RNF187: variants seen among roughly 807,000 people sequenced by gnomAD.
RNF187 encodes E3 ubiquitin-protein ligase RNF187.
A neutral mutation model predicts 22.2 loss-of-function variants in RNF187; 18 were observed. The observed-to-expected ratio is 0.81, with a 90% CI of 0.56 to 1.20. RNF187 has a LOEUF of 1.20. RNF187 is among the 50% of genes most tolerant of loss of function. The pLI is 0.00. For synonymous variants in RNF187, 164 were observed against 140.9 expected (o/e 1.16, Z -1.16); for missense variants, 329 against 317.6 (o/e 1.04, Z -0.27).
chr1:228,494,449 A>G lies in RNF187; in HGVS notation c.*564A>G. 2.0e-6 allele frequency: 2 copies of G among 991,002 alleles called. No homozygotes were observed. Among genetic ancestry groups the G allele is most frequent in the Non-Finnish European group, 2.4e-6 (2 of 833,090 alleles). 61.4% of individuals were successfully genotyped at this position (991,002 alleles called of 1,614,324 possible). ...CTTGAGGTGGGCGTGGGCCCGGCCC[A>G]GCCTTATCCAAGTCGCTCTGTCCAC... On this transcript the variant is annotated 3_prime_UTR_variant, in exon 4 of 4. Transcript: ENST00000305943.
chr1:228,495,480 C>T lies in RNF187; in HGVS notation c.*1595C>T. ...GCCAAGTAGAGAATCTTTGTCAGCA[C>T]GCCAACAACATCCCGACCCTGAGAC... On this transcript the variant is annotated 3_prime_UTR_variant, in exon 4 of 4. Coordinates refer to ENST00000305943, the MANE Select transcript of RNF187 (RefSeq NM_001010858.3). 9.3e-4 allele frequency: 913 copies of T among 985,408 alleles called. No individual in the cohort carries two copies. The highest frequency in any genetic ancestry group is 1.0e-3 in the Non-Finnish European group (864 of 829,926). 61.0% of individuals were successfully genotyped at this position (985,408 alleles called of 1,614,324 possible).
Position 228,494,617 on chromosome 1 carries a change from A to G in RNF187, c.*732A>G. ...GTGGCTAACCCCATTTAGCATCTCC[A>G]GGCCCTGCCATCGTGTCTCATCTTG... On this transcript the variant is annotated 3_prime_UTR_variant, in exon 4 of 4. Coordinates refer to ENST00000305943, the MANE Select transcript of RNF187 (RefSeq NM_001010858.3). The G allele has an allele frequency of 4.1e-6, 4 of 985,664 alleles. No homozygotes were observed. Among genetic ancestry groups the G allele is most frequent in the Non-Finnish European group, 4.8e-6 (4 of 830,176 alleles). 61.1% of individuals were successfully genotyped at this position (985,664 alleles called of 1,614,324 possible).
chr1:228,494,637 A>G lies in RNF187; in HGVS notation c.*752A>G. The G allele has an allele frequency of 3.0e-6, 3 of 985,344 alleles. No individual in the cohort carries two copies. The South Asian group carries it at 1.4e-4, about 46-fold the overall frequency. The allele number at this position is 985,344 out of a possible 1,614,324, so 61.0% of individuals were successfully genotyped here. A position where few individuals can be genotyped will look rare whatever the true frequency, so the allele number is the denominator to read the frequency against. On this transcript the variant is annotated 3_prime_UTR_variant, in exon 4 of 4. Coordinates refer to ENST00000305943, the MANE Select transcript of RNF187 (RefSeq NM_001010858.3). ...TCTCCAGGCCCTGCCATCGTGTCTC[A>G]TCTTGCTGTTATCTCTAGCTCTTTC... is the stretch of plus-strand genomic sequence containing the variant.
chr1:228,494,773 G>C lies in RNF187; in HGVS notation c.*888G>C. The C allele has an allele frequency of 4.1e-6, 4 of 985,442 alleles. No homozygotes were observed. Among genetic ancestry groups the C allele is most frequent in the East Asian group, 2.3e-4 (2 of 8,798 alleles). 61.0% of individuals were successfully genotyped at this position (985,442 alleles called of 1,614,324 possible). On this transcript the variant is annotated 3_prime_UTR_variant, in exon 4 of 4. Transcript: ENST00000305943. The stretch of plus-strand genomic sequence containing the variant: ...ATTAGTCGACAGAAACTCAGCACTG[G>C]GGACAGGATTGCAAAGTCGGGGACA...
chr1:228,489,395 G>A, intron 2 of RNF187, among the ~76,000 whole-genome samples: 2 of 151,880 alleles, frequency 1.3e-5, no homozygotes, highest in South Asian at 2.1e-4. Context: ...ACTGCAGCTC[G>A]AACTGGCCTC....
At chr1:228,492,105 C>G in intron 2 of RNF187, among the ~76,000 whole-genome samples, 23 of 152,104 alleles carry the variant, frequency 1.5e-4, no homozygotes, top group Non-Finnish European at 3.2e-4. Context: ...GGCTGGAGTG[C>G]AGTGGTATGG....
Position 228,494,411 on chromosome 1 carries a change from A to C in RNF187, c.*526A>C. The stretch of plus-strand genomic sequence containing the variant: ...GATTGCACCTTGATGCCTCCTGAGG[A>C]GGCGGCCCCCCTCTTGAGGTGGGCG... On this transcript the variant is annotated 3_prime_UTR_variant, in exon 4 of 4. Coordinates refer to ENST00000305943, the MANE Select transcript of RNF187 (RefSeq NM_001010858.3). 1 of 999,832 alleles carries C rather than the reference A, an allele frequency of 1.0e-6. No homozygotes were observed. The highest frequency in any genetic ancestry group is 1.7e-5 in the African/African-American group (1 of 58,048). 61.9% of individuals were successfully genotyped at this position (999,832 alleles called of 1,614,324 possible).
Position 228,494,416 on chromosome 1 carries a change from GC to G in RNF187, c.*537del. ...CACCTTGATGCCTCCTGAGGAGGCG[GC>G]CCCCCTCTTGAGGTGGGCGTGGGCC... On this transcript the variant is annotated 3_prime_UTR_variant, in exon 4 of 4. Transcript: ENST00000305943. 1.0e-6 allele frequency: 1 copy of G among 996,292 alleles called. No individual in the cohort carries two copies. The highest frequency in any genetic ancestry group is 1.2e-6 in the Non-Finnish European group (1 of 835,984). 61.7% of individuals were successfully genotyped at this position (996,292 alleles called of 1,614,324 possible). A position where few individuals can be genotyped will look rare whatever the true frequency, so the allele number is the denominator to read the frequency against.
At position 228,491,406 on chromosome 1, in the gene RNF187, A is replaced by AAT; in HGVS notation, c.484-1646_484-1645insTA. Among the ~76,000 whole-genome samples, 42 of 149,340 alleles carry AAT rather than the reference A, an allele frequency of 2.8e-4. No homozygotes were observed. The East Asian group carries it at 4.3e-3, about 15-fold the overall frequency. The stretch of plus-strand genomic sequence containing the variant: ...CTATCTCAAAAAAAAAAAAAAAAAA[A>AAT]AAATAAAGGGAGATGGGTTAATGGG... On this transcript the variant is annotated intron_variant, in intron 2 of 3. Transcript: ENST00000305943.
chr1:228,494,767 G>C lies in RNF187; in HGVS notation c.*882G>C. The stretch of plus-strand genomic sequence containing the variant: ...AGATAAATTAGTCGACAGAAACTCA[G>C]CACTGGGGACAGGATTGCAAAGTCG... On this transcript the variant is annotated 3_prime_UTR_variant, in exon 4 of 4. Coordinates refer to ENST00000305943, the MANE Select transcript of RNF187 (RefSeq NM_001010858.3). 1.0e-6 allele frequency: 1 copy of C among 985,304 alleles called. No homozygotes were observed. The highest frequency in any genetic ancestry group is 1.1e-4 in the East Asian group (1 of 8,802). The allele number at this position is 985,304 out of a possible 1,614,324, so 61.0% of individuals were successfully genotyped here. A position where few individuals can be genotyped will look rare whatever the true frequency, so the allele number is the denominator to read the frequency against.
Position 228,489,064 on chromosome 1 carries a change from G to A in RNF187, c.483+12G>A. 17 of 1,542,620 alleles carry A rather than the reference G, an allele frequency of 1.1e-5. No homozygotes were observed. In the Admixed American group the frequency reaches 2.9e-4, roughly 27 times the overall value. ...CTGCAGTGTGGAAGGCAAGTGGGGG[G>A]ACCTGGGGCAGCCTGGAATGAGGGG... On this transcript the variant is annotated intron_variant, in intron 2 of 3. Coordinates refer to ENST00000305943, the MANE Select transcript of RNF187 (RefSeq NM_001010858.3).
At chr1:228,492,466 C>T in intron 2 of RNF187, among the ~76,000 whole-genome samples, 3 of 147,526 alleles carry the variant, frequency 2.0e-5, no homozygotes, top group African/African-American at 4.9e-5. Context: ...GGACTACAGG[C>T]GTGCGCCACC....
chr1:228,493,125 G>T lies in RNF187; in HGVS notation c.556G>T (p.Glu186Ter), dbSNP rs1659008913. 1 of 1,551,740 alleles carries T rather than the reference G, an allele frequency of 6.4e-7. No individual in the cohort carries two copies. The highest frequency in any genetic ancestry group is 8.7e-7 in the Non-Finnish European group (1 of 1,146,974). The change falls in exon 3 of 4, where the codon GAG becomes TAG. Residue 186 changes from glutamate to a stop codon, truncating the protein, a stop_gained. Transcript: ENST00000305943. LOFTEE classifies it high-confidence loss of function. This position sits in a 1 kb window ranked among gnomAD's most constrained non-coding sequence, Gnocchi z 4.7. ...GCTGCGGGCCTTCTTTGTGGAGGAG[G>T]AGGAGCATTTCCTGCAGGAGGCTGA...
Position 228,495,072 on chromosome 1 carries a change from G to A in RNF187, c.*1187G>A. The stretch of plus-strand genomic sequence containing the variant: ...TCCTCGTGACACGTGCTAAAGCATG[G>A]TGAGGAGGACTTTGATTGGGACCAT... On this transcript the variant is annotated 3_prime_UTR_variant, in exon 4 of 4. Coordinates refer to ENST00000305943, the MANE Select transcript of RNF187 (RefSeq NM_001010858.3). 6.1e-5 allele frequency: 60 copies of A among 976,652 alleles called. 4 individuals are homozygous for A. The East Asian group carries it at 1.4e-3, about 22-fold the overall frequency. 60.5% of individuals were successfully genotyped at this position (976,652 alleles called of 1,614,324 possible).
chr1:228,492,874 T>G, intron 2 of RNF187, among the ~76,000 whole-genome samples, 179 bp from the exon 3 acceptor site: 1 of 151,620 alleles, frequency 6.6e-6, no homozygotes, highest in South Asian at 2.1e-4. Context: ...CCGCCCGCCT[T>G]GGCCTCCTGG....
chr1:228,491,460 A>G, intron 2 of RNF187, among the ~76,000 whole-genome samples: 1 of 141,014 alleles, frequency 7.1e-6, no homozygotes, highest in Non-Finnish European at 1.5e-5. Flanking sequence ...TTTTTTTTTG[A>G]GATGGAGTCT....
At position 228,495,229 on chromosome 1, in the gene RNF187, C is replaced by A; in HGVS notation, c.*1344C>A. On this transcript the variant is annotated 3_prime_UTR_variant, in exon 4 of 4. Coordinates refer to ENST00000305943, the MANE Select transcript of RNF187 (RefSeq NM_001010858.3). ...GGTGGGAATGACTGTGAGGAGACAT[C>A]AGGGCTGAGGGGGCTCTGGCTAAAC... 4.2e-6 allele frequency: 1 copy of A among 235,322 alleles called. No individual in the cohort carries two copies. Among genetic ancestry groups the A allele is most frequent in the Non-Finnish European group, 6.9e-6 (1 of 144,230 alleles). The allele number at this position is 235,322 out of a possible 1,614,324, so 14.6% of individuals were successfully genotyped here.
At position 228,487,885 on chromosome 1, in the gene RNF187, G is replaced by A; in HGVS notation, c.390+7G>A. 6 of 1,212,866 alleles carry A rather than the reference G, an allele frequency of 4.9e-6. No homozygotes were observed. The highest frequency in any genetic ancestry group is 3.3e-4 in the Middle Eastern group (1 of 2,986). The allele number at this position is 1,212,866 out of a possible 1,614,324, so 75.1% of individuals were successfully genotyped here. A position where few individuals can be genotyped will look rare whatever the true frequency, so the allele number is the denominator to read the frequency against. Reference sequence around the variant, plus strand: ...GAAGGCGCTGCGCGGCAAGGTGCGCGCCGCGGGGTCCCGTGCCCCACCCCG... The same window carrying A: ...GAAGGCGCTGCGCGGCAAGGTGCGCACCGCGGGGTCCCGTGCCCCACCCCG... On this transcript the variant is annotated splice_region_variant and intron_variant, in intron 1 of 3. Coordinates refer to ENST00000305943, the MANE Select transcript of RNF187 (RefSeq NM_001010858.3).
In RNF187 at chr1:228,495,114, CCCTTT is replaced by C; in HGVS notation, c.*1234_*1238del. ...TGGGACCATTGAGATGGGTGTGGGA[CCCTTT>C]CCTTGGGGCCTGGGGGGAGATGGGG... On this transcript the variant is annotated 3_prime_UTR_variant, in exon 4 of 4. Transcript: ENST00000305943. 5.8e-6 allele frequency: 5 copies of C among 866,362 alleles called. No individual in the cohort carries two copies. Among genetic ancestry groups the C allele is most frequent in the Non-Finnish European group, 6.9e-6 (5 of 721,104 alleles). 53.7% of individuals were successfully genotyped at this position (866,362 alleles called of 1,614,324 possible). A position where few individuals can be genotyped will look rare whatever the true frequency, so the allele number is the denominator to read the frequency against.
Sources: allele counts gnomAD v4.1 joint callset (sites outside exome capture counted in the v4.1 genomes callset), GRCh38; gene constraint gnomAD v4.1.1; non-coding constraint Gnocchi (gnomAD v3.1); transcripts MANE v1.5; gene names NCBI Gene and HGNC (gene_info 2026-07-23, HGNC 2026-07-21).